Variants in TMED10 observed in about 807,000 individuals in gnomAD.
TMED10 encodes transmembrane p24 trafficking protein 10, also known as transmembrane emp24 domain-containing protein 10.
In TMED10, 7 loss-of-function variants were observed where a neutral mutation model predicts 23.1. That is an observed-to-expected ratio of 0.30 (90% CI 0.17 to 0.57). The LOEUF is 0.57. Ranked by LOEUF, TMED10 falls within the 20% of genes least tolerant of loss-of-function variation. TMED10 has a pLI of 0.91. For synonymous variants in TMED10, 113 were observed against 106.9 expected, an observed-to-expected ratio of 1.06 and a Z score of -0.35; for missense variants, 162 against 274.8, an observed-to-expected ratio of 0.59 and a Z score of 2.90.
intron 1 of TMED10, among the ~76,000 whole-genome samples, chr14:75,163,414 A>G (rs2139853909): frequency 6.6e-6 from 1 of 151,564 alleles, no homozygotes; most frequent in East Asian, 2.0e-4. Flanking sequence ...CTAGCCGGGC[A>G]TGGTGGCACT....
At chr14:75,136,009 C>T (rs1396465715) in intron 3 of TMED10, 123 bp from the exon 4 acceptor site, 8 of 1,366,332 alleles carry the variant, frequency 5.9e-6, no homozygotes, top group African/African-American at 4.4e-5. Context: ...TATCAATCAT[C>T]CTAACATATT....
intron 1 of TMED10, among the ~76,000 whole-genome samples, chr14:75,156,651 A>G (rs534177102): frequency 1.3e-5 from 2 of 152,282 alleles, no homozygotes; most frequent in South Asian, 4.1e-4. Context: ...CCAACATTTG[A>G]AAAACTATCT....
At chr14:75,173,858 G>A (rs529242205) in intron 1 of TMED10, among the ~76,000 whole-genome samples, 5 of 152,272 alleles carry the variant, frequency 3.3e-5, no homozygotes, top group African/African-American at 1.2e-4. Context: ...AGCCTCCCGG[G>A]TAGCTGGGAT....
intron 3 of TMED10, among the ~76,000 whole-genome samples, chr14:75,138,366 G>A (rs917818871): frequency 6.6e-6 from 1 of 152,148 alleles, no homozygotes; most frequent in African/African-American, 2.4e-5. Flanking sequence ...GTAAAATGTT[G>A]GCTAGAGTTA....
chr14:75,167,554 T>C (rs1040094150), intron 1 of TMED10, among the ~76,000 whole-genome samples: 4 of 152,040 alleles, frequency 2.6e-5, no homozygotes, highest in Admixed American at 1.3e-4. Context: ...GCCAATAGTT[T>C]CCCAACTGCC....
rs748566994 is a variant in TMED10, at chr14:75,134,936, C to G, written c.609G>C (p.Trp203Cys). ...SMFCLIGLAT[W>C]QVFYLRRFFK... ...AGAAGCGTCGCAGGTAGAAGACCTGCCAGGTAGCTAGTCCAATGAGACAGA... is the reference window on the plus strand; with the variant it reads ...AGAAGCGTCGCAGGTAGAAGACCTGGCAGGTAGCTAGTCCAATGAGACAGA... Residue 203 changes from tryptophan (W) to cysteine (C), a missense_variant, in exon 5 of 5, where the codon TGG becomes TGC. Trp to Cys is a radical substitution (Grantham distance 215). Coordinates refer to ENST00000303575, the MANE Select transcript of TMED10 (RefSeq NM_006827.6). The G allele has an allele frequency of 6.2e-7, 1 of 1,613,820 alleles. No homozygotes were observed. Among genetic ancestry groups the G allele is most frequent in the Non-Finnish European group, 8.5e-7 (1 of 1,179,922 alleles).
chr14:75,134,615 G>A lies in TMED10; in HGVS notation c.*270C>T. 2.9e-6 allele frequency: 1 copy of A among 343,616 alleles called. No homozygotes were observed. Among genetic ancestry groups the A allele is most frequent in the Non-Finnish European group, 5.6e-6 (1 of 180,092 alleles). 21.3% of individuals were successfully genotyped at this position (343,616 alleles called of 1,614,324 possible). A position where few individuals can be genotyped will look rare whatever the true frequency, so the allele number is the denominator to read the frequency against. ...AAATGCTGACTTTGGCATTATCTAG[G>A]TAACCCCTATTTTTTGTCATAGGTG... On this transcript the variant is annotated 3_prime_UTR_variant, in exon 5 of 5. Transcript: ENST00000303575.
chr14:75,135,418 C>T (rs778076444), intron 4 of TMED10, among the ~76,000 whole-genome samples: 12 of 152,032 alleles, frequency 7.9e-5, no homozygotes, highest in African/African-American at 2.9e-4. Context: ...CCAGCCTGAG[C>T]GACAGAGCGA....
At chr14:75,172,062 CA>C (rs1248651703) in intron 1 of TMED10, among the ~76,000 whole-genome samples, 1 of 151,642 alleles carries the variant, frequency 6.6e-6, no homozygotes, top group Non-Finnish European at 1.5e-5. Flanking sequence ...ATTCCTTTTA[CA>C]AAAAATATAG....
chr14:75,142,447 C>G (rs1352284970), intron 3 of TMED10, among the ~76,000 whole-genome samples: 1 of 152,132 alleles, frequency 6.6e-6, no homozygotes, highest in African/African-American at 2.4e-5. Flanking sequence ...AACAGAATCC[C>G]TGACTTCCAA....
At chr14:75,152,891 G>A (rs1333601357) in intron 1 of TMED10, among the ~76,000 whole-genome samples, 4 of 152,012 alleles carry the variant, frequency 2.6e-5, no homozygotes, top group East Asian at 1.9e-4. Context: ...AGGCCGAGGC[G>A]GATGGATCAC....
At chr14:75,164,411 T>A (rs2139855159) in intron 1 of TMED10, among the ~76,000 whole-genome samples, 1 of 149,668 alleles carries the variant, frequency 6.7e-6, no homozygotes, top group African/African-American at 2.5e-5. Context: ...TTTTATTTTT[T>A]AAGTAGAGAT....
chr14:75,168,166 C>G (rs1896187894), intron 1 of TMED10, among the ~76,000 whole-genome samples: 1 of 152,114 alleles, frequency 6.6e-6, no homozygotes, highest in Non-Finnish European at 1.5e-5. Flanking sequence ...CCTGACCACT[C>G]AAACACCCTT....
chr14:75,141,409 A>G (rs1194926485), intron 3 of TMED10, among the ~76,000 whole-genome samples: 1 of 152,178 alleles, frequency 6.6e-6, no homozygotes, highest in Non-Finnish European at 1.5e-5. Flanking sequence ...TGGGGAGGGT[A>G]GGGGATAATA....
intron 1 of TMED10, among the ~76,000 whole-genome samples, chr14:75,164,374 GGT>G (rs1896123227): frequency 6.7e-6 from 1 of 149,986 alleles, no homozygotes. Context: ...TGGGACTACA[GGT>G]GTGCGCCACC....
rs556240167 is a variant in TMED10, at chr14:75,140,033, C to T, written c.412-4147G>A. On this transcript the variant is annotated intron_variant, in intron 3 of 4. Coordinates refer to ENST00000303575, the MANE Select transcript of TMED10 (RefSeq NM_006827.6). The stretch of plus-strand genomic sequence containing the variant: ...AATGCTATTAAGGAAAGTAATTCCG[C>T]CTTCCTCCATGTGAGAACACAGTGA... Among the ~76,000 whole-genome samples the T allele has an allele frequency of 1.1e-4, 17 of 152,294 alleles. 3 individuals are homozygous for T. In the Middle Eastern group the frequency reaches 0.044, roughly 396 times the overall value.
chr14:75,139,012 A>G (rs1386030424), intron 3 of TMED10: 6 of 345,248 alleles, frequency 1.7e-5, no homozygotes, highest in Middle Eastern at 3.7e-4. Flanking sequence ...ACACATAAAT[A>G]TATTCTTTGG....
chr14:75,153,159 A>T (rs1895975594), intron 1 of TMED10, among the ~76,000 whole-genome samples: 1 of 151,910 alleles, frequency 6.6e-6, no homozygotes, highest in African/African-American at 2.4e-5. Flanking sequence ...GCGAAACCTC[A>T]TCTCTACAAA....
At chr14:75,174,640 G>T (rs1896276722) in intron 1 of TMED10, among the ~76,000 whole-genome samples, 1 of 152,136 alleles carries the variant, frequency 6.6e-6, no homozygotes, top group South Asian at 2.1e-4. Flanking sequence ...CCTGAAAATA[G>T]TTTGTCTCTC....
Sources: gnomAD v4.1 joint callset for allele counts (sites outside exome capture counted in the v4.1 genomes callset) on GRCh38, gnomAD v4.1.1 for gene constraint, MANE v1.5 for transcripts, NCBI Gene and HGNC (gene_info 2026-07-23, HGNC 2026-07-21) for gene names.